Variants in TXLNB observed in about 807,000 individuals in gnomAD.
The protein encoded by TXLNB is taxilin beta.
A neutral mutation model predicts 57.4 loss-of-function variants in TXLNB; 37 were observed. The ratio of observed to expected loss-of-function variants is 0.64; its 90% CI spans 0.50 to 0.85. The LOEUF is 0.85. Ranked by LOEUF, TXLNB falls within the 40% of genes least tolerant of loss-of-function variation. The pLI is 0.00. For missense variants in TXLNB, 848 were observed against 825.6 expected (o/e 1.03, Z -0.33); for synonymous variants, 302 against 309.6 (o/e 0.98, Z 0.26).
chr6:139,172,153 G>T, the TXLNB span, among the ~76,000 whole-genome samples: 1 of 152,106 alleles, frequency 6.6e-6, no homozygotes, highest in Non-Finnish European at 1.5e-5. Context: ...AAGAGATGGG[G>T]TCTCACTGTA....
chr6:139,179,918 T>G, the TXLNB span: 1 of 152,206 alleles, frequency 6.6e-6, no homozygotes, highest in African/African-American at 2.4e-5. Flanking sequence ...TTAATATTTT[T>G]TAATTATTTA....
At chr6:139,167,063 G>A in the TXLNB span, 34 of 1,614,160 alleles carry the variant, frequency 2.1e-5, no homozygotes, top group Non-Finnish European at 2.6e-5. Flanking sequence ...GGACCTCTCC[G>A]AACTCCTCAC....
the TXLNB span, among the ~76,000 whole-genome samples, chr6:139,184,900 A>AT: frequency 1.3e-5 from 2 of 152,280 alleles, no homozygotes; most frequent in East Asian, 1.9e-4. Context: ...AGGAATGACA[A>AT]TTTTTTTATG....
chr6:139,270,379 C>T (rs1776727131), intron 4 of TXLNB, 77 bp downstream of exon 4: 1 of 1,389,008 alleles, frequency 7.2e-7, no homozygotes, highest in Non-Finnish European at 9.8e-7. Flanking sequence ...AAAATTCACA[C>T]TCTTTCCATG....
At chr6:139,180,220 TGGG>T in the TXLNB span, 1 of 152,194 alleles carries the variant, frequency 6.6e-6, no homozygotes, top group Admixed American at 6.5e-5. Flanking sequence ...TCATATATGT[TGGG>T]GGAAAATTAA....
Position 139,242,571 on chromosome 6 carries a change from G to T in TXLNB, c.2010C>A (p.Pro670=). The T allele has an allele frequency of 6.6e-7, 1 of 1,520,890 alleles. No homozygotes were observed. The highest frequency in any genetic ancestry group is 1.3e-5 in the South Asian group (1 of 76,104). The allele number at this position is 1,520,890 out of a possible 1,614,324, so 94.2% of individuals were successfully genotyped here. A position where few individuals can be genotyped will look rare whatever the true frequency, so the allele number is the denominator to read the frequency against. ...TGGTGTCAGCCACGTTGCGCGGCTG[G>T]GGCCCAGCTGAGGCCCCTACTGGCA... The part of the protein sequence containing the change: ...EELPVGASAG[P]QPRNVADTNL... Residue 670 remains proline, a synonymous_variant, in exon 10 of 10, where the codon CCC becomes CCA. Coordinates refer to ENST00000358430, the MANE Select transcript of TXLNB (RefSeq NM_153235.4).
At chr6:139,188,104 C>T in the TXLNB span, among the ~76,000 whole-genome samples, 1 of 152,240 alleles carries the variant, frequency 6.6e-6, no homozygotes, top group Non-Finnish European at 1.5e-5. Flanking sequence ...GAAAGCTTCC[C>T]AGGGGCCTTC....
At chr6:139,313,090 T>G in the TXLNB span, among the ~76,000 whole-genome samples, 1 of 152,076 alleles carries the variant, frequency 6.6e-6, no homozygotes, top group South Asian at 2.1e-4. Context: ...TTTTTTTTTT[T>G]GAGATGGAGT....
intron 7 of TXLNB, among the ~76,000 whole-genome samples, chr6:139,248,840 G>A (rs1038352737): frequency 6.6e-5 from 10 of 152,220 alleles, no homozygotes; most frequent in African/African-American, 2.4e-4. Flanking sequence ...CGTGATAAAG[G>A]CAATGTGGGC....
At chr6:139,215,950 C>T in the TXLNB span, among the ~76,000 whole-genome samples, 4 of 151,588 alleles carry the variant, frequency 2.6e-5, no homozygotes, top group African/African-American at 9.7e-5. Flanking sequence ...GTTAGAATGG[C>T]AATCATTAAA....
the TXLNB span, among the ~76,000 whole-genome samples, chr6:139,319,261 A>T: frequency 1.1e-3 from 138 of 130,146 alleles, no homozygotes; most frequent in African/African-American, 2.5e-3. Flanking sequence ...TCCCTTTAAA[A>T]TTTTTTTTTT....
intron 2 of TXLNB, among the ~76,000 whole-genome samples, chr6:139,279,682 G>A (rs963328229): frequency 6.6e-6 from 1 of 152,168 alleles, no homozygotes; most frequent in Non-Finnish European, 1.5e-5. Flanking sequence ...TGGAAATAGG[G>A]TCATTTGGTG....
the TXLNB span, among the ~76,000 whole-genome samples, chr6:139,176,005 A>G: frequency 6.6e-6 from 1 of 152,376 alleles, no homozygotes; most frequent in East Asian, 1.9e-4. The surrounding 1 kb of genome is among the most constrained non-coding windows in gnomAD (Gnocchi z 4.5). Context: ...CTTCAATAAG[A>G]TGTAGCCAAA....
At chr6:139,280,696 G>C (rs1442928708) in intron 2 of TXLNB, among the ~76,000 whole-genome samples, 2 of 152,000 alleles carry the variant, frequency 1.3e-5, no homozygotes, top group African/African-American at 4.8e-5. Flanking sequence ...TAGAACTTTG[G>C]GGTTAAATTT....
chr6:139,204,625 A>G, the TXLNB span, among the ~76,000 whole-genome samples: 2 of 152,158 alleles, frequency 1.3e-5, no homozygotes, highest in African/African-American at 4.8e-5. Flanking sequence ...ACACAAGCAC[A>G]GGAGCTAGGC....
intron 4 of TXLNB, among the ~76,000 whole-genome samples, chr6:139,270,062 C>T (rs1776718106): frequency 6.6e-6 from 1 of 152,152 alleles, no homozygotes; most frequent in Non-Finnish European, 1.5e-5. Context: ...TTCATTATAA[C>T]ACCAAAAATG....
the TXLNB span, among the ~76,000 whole-genome samples, chr6:139,308,919 CTTCT>C: frequency 6.6e-6 from 1 of 152,194 alleles, no homozygotes; most frequent in South Asian, 2.1e-4. Context: ...GCATCCAAGT[CTTCT>C]TTCTATTTCA....
downstream of TXLNB, among the ~76,000 whole-genome samples, chr6:139,239,822 T>A (rs901907518): frequency 2.0e-5 from 3 of 151,888 alleles, no homozygotes; most frequent in Admixed American, 2.0e-4. This position sits in a 1 kb window ranked among gnomAD's most constrained non-coding sequence, Gnocchi z 4.7. Flanking sequence ...TGTAGCCTCA[T>A]TGTTATTTCT....
chr6:139,302,316 A>T, the TXLNB span, among the ~76,000 whole-genome samples: 4 of 119,248 alleles, frequency 3.4e-5, no homozygotes, highest in Non-Finnish European at 6.7e-5. Context: ...TCTGAGAGAG[A>T]GGAGAAAAAA....
Sources: gnomAD v4.1 joint callset for allele counts (sites outside exome capture counted in the v4.1 genomes callset) on GRCh38, gnomAD v4.1.1 for gene constraint, Gnocchi (gnomAD v3.1) non-coding constraint, MANE v1.5 for transcripts, NCBI Gene and HGNC (gene_info 2026-07-23, HGNC 2026-07-21) for gene names.